Variants in VIPR1 observed in about 807,000 individuals in gnomAD.
VIPR1 encodes vasoactive intestinal polypeptide receptor 1.
Under a neutral mutation model 58.8 loss-of-function variants are expected in VIPR1, and 59 were observed. The observed-to-expected ratio is 1.00, with a 90% confidence interval of 0.81 to 1.25. The LOEUF (loss-of-function observed/expected upper bound fraction) is 1.25. Ranked by LOEUF, VIPR1 falls within the 50% of genes most tolerant of loss-of-function variation. The pLI, the probability that VIPR1 is intolerant of heterozygous loss-of-function variation, is 0.00. For missense variants in VIPR1, 626 were observed against 602.7 expected (o/e 1.04, Z -0.40); for synonymous variants, 251 against 242.1 (o/e 1.04, Z -0.34).
At chr3:42,518,608 A>C (rs575885436) in intron 2 of VIPR1, among the ~76,000 whole-genome samples, 1 of 152,248 alleles carries the variant, frequency 6.6e-6, no homozygotes, top group East Asian at 1.9e-4. Context: ...GCGTGGCGGC[A>C]TGGGCCTATA....
intron 1 of VIPR1, among the ~76,000 whole-genome samples, chr3:42,491,581 T>TG (rs1221284454): frequency 1.9e-5 from 2 of 106,682 alleles, no homozygotes; most frequent in Non-Finnish European, 4.9e-5. Context: ...TTTGTTTGTT[T>TG]TTTGTTTGTT....
intron 1 of VIPR1, chr3:42,506,502 C>T (rs1381143497): frequency 6.6e-6 from 1 of 152,226 alleles, no homozygotes; most frequent in Non-Finnish European, 1.5e-5. Flanking sequence ...TGTACTCTCT[C>T]ACATAACTTA....
chr3:42,528,160 C>T lies in VIPR1; in HGVS notation c.636+37C>T, dbSNP rs781444115. Reference sequence around the variant, plus strand: ...GGCCCTGGCCCACCTCCCTCAGTCTCGCCGTTATCTTTAACCACTGTAATC... The same window carrying T: ...GGCCCTGGCCCACCTCCCTCAGTCTTGCCGTTATCTTTAACCACTGTAATC... On this transcript the variant is annotated intron_variant, in intron 6 of 12. Coordinates refer to ENST00000325123, the MANE Select transcript of VIPR1 (RefSeq NM_004624.4). 3.1e-6 allele frequency: 5 copies of T among 1,605,574 alleles called. No individual in the cohort carries two copies. The Admixed American group carries it at 5.0e-5, about 16-fold the overall frequency.
At chr3:42,496,872 CCAAA>C (rs927438727) in intron 1 of VIPR1, among the ~76,000 whole-genome samples, 57 of 152,212 alleles carry the variant, frequency 3.7e-4, no homozygotes, top group Middle Eastern at 3.4e-3. Flanking sequence ...TTTAATCCTC[CCAAA>C]CAAACAATCT....
chr3:42,521,716 C>G (rs1226871665), intron 3 of VIPR1: 2 of 152,126 alleles, frequency 1.3e-5, no homozygotes, highest in African/African-American at 4.8e-5. Flanking sequence ...ATTAAGACAT[C>G]AAAATGTTCA....
intron 1 of VIPR1, among the ~76,000 whole-genome samples, chr3:42,512,524 C>A (rs1700406698): frequency 1.3e-5 from 2 of 152,134 alleles, no homozygotes; most frequent in African/African-American, 4.8e-5. Flanking sequence ...AAAGGAAGGT[C>A]CCCCACCTAT....
At chr3:42,531,407 C>T (rs1025682878) in intron 7 of VIPR1, 64 bp from the exon 8 acceptor site, 4 of 1,520,976 alleles carry the variant, frequency 2.6e-6, no homozygotes, top group East Asian at 4.9e-5. Flanking sequence ...AAATCTCTCC[C>T]TCATGCCCTC....
intron 10 of VIPR1, chr3:42,533,314 C>T (rs11718925): frequency 0.48 from 73,004 of 151,624 alleles, 17,717 homozygotes; most frequent in East Asian, 0.62. Flanking sequence ...ATTCTGGAAT[C>T]CTGTGATTCT....
At chr3:42,492,955 A>G (rs1018970554) in intron 1 of VIPR1, among the ~76,000 whole-genome samples, 1 of 152,226 alleles carries the variant, frequency 6.6e-6, no homozygotes, top group African/African-American at 2.4e-5. Flanking sequence ...AGAACCAGCA[A>G]CCAATGGAGG....
At chr3:42,491,127 A>G (rs1013457379) in intron 1 of VIPR1, among the ~76,000 whole-genome samples, 3 of 152,236 alleles carry the variant, frequency 2.0e-5, no homozygotes, top group Admixed American at 2.0e-4. Flanking sequence ...CAGTTTCTTC[A>G]AAAGAGAGCC....
chr3:42,532,359 C>T, intron 10 of VIPR1, 26 bp downstream of exon 10: 1 of 1,601,680 alleles, frequency 6.2e-7, no homozygotes, highest in Non-Finnish European at 8.6e-7. Context: ...GTGCCTCAGC[C>T]CCCAGTACCT....
intron 3 of VIPR1, among the ~76,000 whole-genome samples, chr3:42,522,782 T>A (rs986111202): frequency 2.6e-5 from 4 of 152,016 alleles, no homozygotes; most frequent in Admixed American, 6.6e-5. Context: ...ACAGGACTGG[T>A]GACTGATGGG....
chr3:42,504,759 G>A (rs1274355698), intron 1 of VIPR1, among the ~76,000 whole-genome samples: 1 of 145,184 alleles, frequency 6.9e-6, no homozygotes, highest in African/African-American at 2.8e-5. Context: ...GTGTGACGGC[G>A]GGGTGGGGGG....
At chr3:42,491,535 T>A (rs1699664158) in intron 1 of VIPR1, among the ~76,000 whole-genome samples, 1 of 152,196 alleles carries the variant, frequency 6.6e-6, no homozygotes, top group Admixed American at 6.5e-5. Context: ...ATTCACTTCA[T>A]GTATTTTGAA....
intron 3 of VIPR1, 190 bp downstream of exon 3, chr3:42,519,520 A>T: frequency 2.1e-6 from 1 of 481,736 alleles, no homozygotes; most frequent in East Asian, 3.5e-5. Context: ...CTTCACATAA[A>T]GATAAGCATG....
At chr3:42,531,579 G>A in intron 8 of VIPR1, 48 bp downstream of exon 8, 1 of 1,584,726 alleles carries the variant, frequency 6.3e-7, no homozygotes, top group Non-Finnish European at 8.6e-7. Context: ...ACTTGGGCAG[G>A]CCCCCTGGGT....
chr3:42,513,921 G>A, intron 2 of VIPR1, 67 bp downstream of exon 2: 1 of 1,496,660 alleles, frequency 6.7e-7, no homozygotes, highest in Non-Finnish European at 9.1e-7. Context: ...CATGTCTCAA[G>A]CTGAGATCCA....
At chr3:42,521,684 T>C (rs1700923106) in intron 3 of VIPR1, 1 of 152,162 alleles carries the variant, frequency 6.6e-6, no homozygotes, top group South Asian at 2.1e-4. Context: ...AGGAGGGAGT[T>C]TGGCCAGGCA....
chr3:42,494,307 T>C (rs1209949697), intron 1 of VIPR1, among the ~76,000 whole-genome samples: 3 of 152,236 alleles, frequency 2.0e-5, no homozygotes, highest in Non-Finnish European at 4.4e-5. Flanking sequence ...TTACCATATA[T>C]TTGCTTTGTT....
Sources: gnomAD v4.1 joint callset for allele counts (sites outside exome capture counted in the v4.1 genomes callset) on GRCh38, gnomAD v4.1.1 for gene constraint, MANE v1.5 for transcripts, NCBI Gene and HGNC (gene_info 2026-07-23, HGNC 2026-07-21) for gene names.